CNST: variants seen among roughly 807,000 people sequenced by gnomAD.
CNST encodes the protein consortin, connexin sorting protein.
In CNST, 39 loss-of-function variants were observed where a neutral mutation model predicts 72.4. The observed-to-expected ratio is 0.54, with a 90% CI of 0.42 to 0.70. The LOEUF is 0.70. Ranked by LOEUF, CNST falls within the 30% of genes least tolerant of loss-of-function variation. CNST has a pLI of 0.00. For synonymous variants in CNST, 332 were observed against 320.1 expected (o/e 1.04, Z -0.40); for missense variants, 871 against 868.5 (o/e 1.00, Z -0.04).
Position 246,637,204 on chromosome 1 carries a change from T to C in CNST, c.818+2617T>C, listed in dbSNP as rs541760054. On this transcript the variant is annotated intron_variant, in intron 6 of 10. Coordinates refer to ENST00000366513, the MANE Select transcript of CNST (RefSeq NM_152609.3). ...GCCTTTGGGGTGAGCTTGACCCTGG[T>C]ACGATGGACCCAGTTGGGGAGTCCT... Among the ~76,000 whole-genome samples, 6 of 152,340 alleles carry C rather than the reference T, an allele frequency of 3.9e-5. No homozygotes were observed. In the South Asian group the frequency reaches 1.2e-3, roughly 32 times the overall value.
At chr1:246,612,541 A>G (rs1344153845) in intron 2 of CNST, among the ~76,000 whole-genome samples, 2 of 152,138 alleles carry the variant, frequency 1.3e-5, no homozygotes, top group African/African-American at 4.8e-5. Flanking sequence ...ATACCTTAAA[A>G]TGTTTAAAAT....
At chr1:246,604,694 A>C (rs1662577285) in intron 2 of CNST, among the ~76,000 whole-genome samples, 1 of 151,882 alleles carries the variant, frequency 6.6e-6, no homozygotes, top group South Asian at 2.1e-4. Context: ...TTTGAGTTGC[A>C]CTCTTGCTGT....
chr1:246,644,921 C>G (rs1003859315), intron 8 of CNST, among the ~76,000 whole-genome samples: 1 of 152,170 alleles, frequency 6.6e-6, no homozygotes, highest in African/African-American at 2.4e-5. Flanking sequence ...GGGCAGACAG[C>G]AAGCCCAGTG....
Position 246,666,060 on chromosome 1 carries a change from C to T in CNST, c.*155C>T, listed in dbSNP as rs1667378382. 3.3e-6 allele frequency: 2 copies of T among 602,862 alleles called. No individual in the cohort carries two copies. The highest frequency in any genetic ancestry group is 2.8e-5 in the East Asian group (1 of 36,122). The allele number at this position is 602,862 out of a possible 1,614,324, so 37.3% of individuals were successfully genotyped here. ...AACTTTAAGTGGCAAGCCGGAGGAA[C>T]TCTGTTAGAATAATCCACACAGTGA... On this transcript the variant is annotated 3_prime_UTR_variant, in exon 11 of 11. Transcript: ENST00000366513.
chr1:246,634,062 C>A (rs774894594), intron 5 of CNST, 52 bp downstream of exon 5: 1 of 1,117,596 alleles, frequency 8.9e-7, no homozygotes, highest in Non-Finnish European at 1.4e-6. Flanking sequence ...CAACAAGTCA[C>A]TATCTACAAA....
At chr1:246,611,761 G>A (rs1320427670) in intron 2 of CNST, among the ~76,000 whole-genome samples, 2 of 152,146 alleles carry the variant, frequency 1.3e-5, no homozygotes, top group Admixed American at 6.5e-5. Flanking sequence ...GCAAGGACCC[G>A]AGCAGATACT....
Position 246,668,445 on chromosome 1 carries a change from A to G in CNST, c.*2540A>G, listed in dbSNP as rs896731811. ...GATCTGGCCCTACAAGTAGACAGTC[A>G]TCTACTTTGGGAAGACTAATAGGTC... On this transcript the variant is annotated 3_prime_UTR_variant, in exon 11 of 11. Coordinates refer to ENST00000366513, the MANE Select transcript of CNST (RefSeq NM_152609.3). 9.9e-5 allele frequency: 15 copies of G among 152,232 alleles called. No individual in the cohort carries two copies. The highest frequency in any genetic ancestry group is 7.2e-4 in the Admixed American group (11 of 15,282). 9.4% of individuals were successfully genotyped at this position (152,232 alleles called of 1,614,324 possible).
At chr1:246,630,895 G>A (rs180839320) in intron 3 of CNST, among the ~76,000 whole-genome samples, 21 of 152,160 alleles carry the variant, frequency 1.4e-4, no homozygotes, top group Admixed American at 1.2e-3. Flanking sequence ...ACAGGCATGA[G>A]ACACCATGCC....
At chr1:246,634,236 G>A (rs772184810) in intron 5 of CNST, 7 of 551,512 alleles carry the variant, frequency 1.3e-5, no homozygotes, top group Non-Finnish European at 2.2e-5. Context: ...AAGAATACTT[G>A]CAACTATTTG....
chr1:246,627,845 A>T (rs1367715490), intron 3 of CNST, among the ~76,000 whole-genome samples: 1 of 151,020 alleles, frequency 6.6e-6, no homozygotes, highest in Non-Finnish European at 1.5e-5. Flanking sequence ...AGGACTTGGT[A>T]TAGATTGTTG....
chr1:246,625,661 C>A (rs1664380074), intron 3 of CNST, among the ~76,000 whole-genome samples: 2 of 151,992 alleles, frequency 1.3e-5, no homozygotes, highest in Non-Finnish European at 1.5e-5. Flanking sequence ...ACCTCACGAT[C>A]CGCCCGCCTC....
chr1:246,661,209 G>A (rs927326524), intron 10 of CNST, among the ~76,000 whole-genome samples: 2 of 151,906 alleles, frequency 1.3e-5, no homozygotes, highest in African/African-American at 4.8e-5. Flanking sequence ...ACCTCATGAG[G>A]TTAGGATCTG....
intron 2 of CNST, among the ~76,000 whole-genome samples, chr1:246,614,455 C>T (rs1663547617): frequency 6.6e-6 from 1 of 151,924 alleles, no homozygotes; most frequent in African/African-American, 2.4e-5. Flanking sequence ...CACTCTTTAC[C>T]TAGGCCTTGG....
intron 6 of CNST, among the ~76,000 whole-genome samples, chr1:246,636,882 C>A (rs1330273996): frequency 6.6e-6 from 1 of 152,120 alleles, no homozygotes; most frequent in Non-Finnish European, 1.5e-5. Flanking sequence ...TTGCATCTTT[C>A]CTCTGTGGTG....
At chr1:246,598,592 T>C (rs1662044983) in intron 2 of CNST, among the ~76,000 whole-genome samples, 1 of 152,134 alleles carries the variant, frequency 6.6e-6, no homozygotes, top group South Asian at 2.1e-4. Context: ...AAAGGCCTAT[T>C]TGCATTTTTA....
chr1:246,628,342 A>T (rs2103090669), intron 3 of CNST, among the ~76,000 whole-genome samples: 1 of 152,376 alleles, frequency 6.6e-6, no homozygotes, highest in Admixed American at 6.5e-5. Context: ...AGGAGAAATC[A>T]GAGATGACTG....
intron 3 of CNST, among the ~76,000 whole-genome samples, chr1:246,625,099 G>GCCA (rs1246877072): frequency 6.6e-6 from 1 of 152,094 alleles, no homozygotes; most frequent in Non-Finnish European, 1.5e-5. Context: ...AACATACAAG[G>GCCA]CCATTATCAA....
At chr1:246,644,519 G>A (rs890606664) in intron 8 of CNST, among the ~76,000 whole-genome samples, 1 of 152,170 alleles carries the variant, frequency 6.6e-6, no homozygotes, top group South Asian at 2.1e-4. Flanking sequence ...CAGTTGCCAG[G>A]GCTGGGAACA....
intron 10 of CNST, 42 bp from the exon 11 acceptor site, chr1:246,665,658 A>G (rs1166406697): frequency 1.3e-6 from 2 of 1,530,462 alleles, no homozygotes; most frequent in Non-Finnish European, 9.0e-7. Flanking sequence ...TAAGATTTCC[A>G]TTTCGGTGAC....
Sources: gnomAD v4.1 joint callset for allele counts (sites outside exome capture counted in the v4.1 genomes callset) on GRCh38, gnomAD v4.1.1 for gene constraint, MANE v1.5 for transcripts, NCBI Gene and HGNC (gene_info 2026-07-23, HGNC 2026-07-21) for gene names.